The following UBA3 variants were observed in gnomAD, a reference collection of about 807,000 sequenced individuals.
UBA3 encodes the protein ubiquitin like modifier activating enzyme 3.
In UBA3, 26 loss-of-function variants were observed where a neutral mutation model predicts 73.5. The ratio of observed to expected loss-of-function variants is 0.35; its 90% CI spans 0.26 to 0.49. The LOEUF (loss-of-function observed/expected upper bound fraction) is 0.49. UBA3 is among the 20% of genes least tolerant of loss of function. The pLI, the probability that UBA3 is intolerant of heterozygous loss-of-function variation, is 0.98. For synonymous variants in UBA3, 217 were observed against 191.2 expected, an observed-to-expected ratio of 1.13 and a Z score of -1.11; for missense variants, 495 against 555.6, an observed-to-expected ratio of 0.89 and a Z score of 1.10.
At position 69,056,012 on chromosome 3, in the gene UBA3, T is replaced by G; in HGVS notation, c.1236A>C (p.Thr412=). 6.2e-7 allele frequency: 1 copy of G among 1,605,710 alleles called. No homozygotes were observed. Among genetic ancestry groups the G allele is most frequent in the Non-Finnish European group, 8.5e-7 (1 of 1,177,518 alleles). Reference sequence around the variant, plus strand: ...ACACATTGATAACCTGTAAGTAAAGTGTTCTATTTTTTCCCTCTAGGGTGG... The same window carrying G: ...ACACATTGATAACCTGTAAGTAAAGGGTTCTATTTTTTCCCTCTAGGGTGG... ...ITATLEGKNR[T]LYLQSVTSIE... is the part of the protein sequence containing the mutation. The change falls in exon 16 of 18, where the codon ACA becomes ACC. Residue 412 remains threonine (T), a synonymous_variant. Transcript: ENST00000361055.
chr3:69,069,049 C>A (rs548555517), intron 5 of UBA3, among the ~76,000 whole-genome samples: 1 of 152,246 alleles, frequency 6.6e-6, no homozygotes, highest in East Asian at 1.9e-4. Context: ...ATGGTATTTT[C>A]TTTCCTAATA....
At chr3:69,071,050 C>T (rs75853834) in intron 5 of UBA3, 1 of 158,172 alleles carries the variant, frequency 6.3e-6, no homozygotes, top group East Asian at 1.9e-4. Context: ...CCAATTGGTT[C>T]TGGTTTTTCT....
chr3:69,061,160 G>C (rs904558089), intron 11 of UBA3, among the ~76,000 whole-genome samples: 1 of 152,210 alleles, frequency 6.6e-6, no homozygotes, highest in African/African-American at 2.4e-5. Context: ...GAATTAGACT[G>C]TATACAGTAC....
intron 4 of UBA3, among the ~76,000 whole-genome samples, chr3:69,072,315 C>G (rs2092127367): frequency 6.6e-6 from 1 of 152,164 alleles, no homozygotes; most frequent in Non-Finnish European, 1.5e-5. Flanking sequence ...CTTCGATGAT[C>G]AAATAACTTG....
At chr3:69,063,651 C>CT in intron 7 of UBA3, 148 bp from the exon 8 acceptor site, 1 of 647,600 alleles carries the variant, frequency 1.5e-6, no homozygotes, top group Non-Finnish European at 2.4e-6. Flanking sequence ...ACAGGAAGCT[C>CT]TATGAGAACC....
At chr3:69,056,996 T>C (rs906408678) in intron 12 of UBA3, among the ~76,000 whole-genome samples, 181 bp from the exon 13 acceptor site, 2 of 152,174 alleles carry the variant, frequency 1.3e-5, no homozygotes, top group African/African-American at 4.8e-5. Context: ...TGTAATAGAG[T>C]AACACTACAT....
In UBA3 at chr3:69,077,936, A is replaced by C; in HGVS notation, c.63-18T>G. Reference sequence around the variant, plus strand: ...CAGCCATTCTGCACAGAACACAGTAAATTCAGCTGCAAAGATCAGTATGAA... The same window carrying C: ...CAGCCATTCTGCACAGAACACAGTACATTCAGCTGCAAAGATCAGTATGAA... On this transcript the variant is annotated intron_variant, in intron 2 of 17. Transcript: ENST00000361055. 2.5e-6 allele frequency: 4 copies of C among 1,609,978 alleles called. No individual in the cohort carries two copies. Among genetic ancestry groups the C allele is most frequent in the Non-Finnish European group, 3.4e-6 (4 of 1,178,726 alleles).
chr3:69,062,845 TTATC>T, intron 9 of UBA3, 133 bp downstream of exon 9: 4 of 1,080,848 alleles, frequency 3.7e-6, no homozygotes, highest in Non-Finnish European at 5.3e-6. Context: ...ATTTCATATT[TTATC>T]TTTCTTCTTA....
At chr3:69,065,104 A>G (rs1220272517) in intron 6 of UBA3, among the ~76,000 whole-genome samples, 1 of 152,140 alleles carries the variant, frequency 6.6e-6, no homozygotes, top group Non-Finnish European at 1.5e-5. Context: ...GAAACAAAGC[A>G]AACAGTGGAG....
chr3:69,063,325 T>C (rs1004195410), intron 8 of UBA3, 114 bp downstream of exon 8: 3 of 1,265,640 alleles, frequency 2.4e-6, no homozygotes, highest in South Asian at 1.4e-5. Context: ...GAAGTAAATA[T>C]ACTTAATTAA....
intron 3 of UBA3, 73 bp downstream of exon 3, chr3:69,077,724 TA>T: frequency 7.0e-7 from 1 of 1,422,166 alleles, no homozygotes; most frequent in Non-Finnish European, 9.4e-7. Context: ...AAGAGCAAAT[TA>T]AAAAAGAAGC....
intron 2 of UBA3, chr3:69,079,861 G>C: frequency 4.1e-6 from 2 of 491,972 alleles, no homozygotes; most frequent in Non-Finnish European, 7.1e-6. Flanking sequence ...TTTACGTCAA[G>C]CACCCCGGAG....
intron 2 of UBA3, among the ~76,000 whole-genome samples, chr3:69,079,387 T>C (rs2092198202): frequency 1.3e-5 from 2 of 152,212 alleles, no homozygotes; most frequent in Admixed American, 6.5e-5. Context: ...ATCAAAGCAC[T>C]GCTACTGGGA....
At chr3:69,064,502 T>C (rs970295908) in intron 6 of UBA3, among the ~76,000 whole-genome samples, 8 of 152,238 alleles carry the variant, frequency 5.3e-5, no homozygotes, top group African/African-American at 1.7e-4. Flanking sequence ...CACATTATAG[T>C]TCCTATTTTG....
chr3:69,076,613 G>A (rs1330280349), intron 3 of UBA3: 1 of 152,038 alleles, frequency 6.6e-6, no homozygotes, highest in Non-Finnish European at 1.5e-5. Flanking sequence ...TGTCACCCAG[G>A]CTGGAGTGCA....
intron 5 of UBA3, 88 bp from the exon 6 acceptor site, chr3:69,068,096 G>A (rs1196816337): frequency 4.5e-6 from 4 of 887,354 alleles, no homozygotes; most frequent in South Asian, 2.4e-5. Context: ...TAAATTCACA[G>A]TAAGTTTACT....
chr3:69,071,393 T>C (rs896089254), intron 5 of UBA3, 142 bp downstream of exon 5: 3 of 542,778 alleles, frequency 5.5e-6, no homozygotes, highest in African/African-American at 2.0e-5. Flanking sequence ...TTACCTACAA[T>C]GGGAATGGTA....
At chr3:69,066,444 GT>G (rs11413559) in intron 6 of UBA3, among the ~76,000 whole-genome samples, 4 of 149,688 alleles carry the variant, frequency 2.7e-5, no homozygotes, top group South Asian at 4.2e-4. Flanking sequence ...GGTTTTTTGT[GT>G]TTTTTTTTGT....
intron 11 of UBA3, among the ~76,000 whole-genome samples, chr3:69,059,686 G>C (rs1378252907): frequency 6.6e-6 from 1 of 152,048 alleles, no homozygotes; most frequent in Non-Finnish European, 1.5e-5. Flanking sequence ...AGTATAAATG[G>C]AATTTTAAAA....
Sources: gnomAD v4.1 joint callset for allele counts (sites outside exome capture counted in the v4.1 genomes callset) on GRCh38, gnomAD v4.1.1 for gene constraint, MANE v1.5 for transcripts, NCBI Gene and HGNC (gene_info 2026-07-23, HGNC 2026-07-21) for gene names.